The following STKLD1 variants were observed in gnomAD, a reference collection of about 807,000 sequenced individuals.
The protein encoded by STKLD1 is serine/threonine kinase like domain containing 1, also known as serine/threonine kinase-like domain-containing protein STKLD1.
STKLD1 carries 79 observed loss-of-function variants against 80.4 expected under a neutral mutation model. That is an observed-to-expected ratio of 0.98 (90% CI 0.82 to 1.19). The LOEUF is 1.19. Among genes scored for constraint, STKLD1 ranks in the 50% most tolerant of loss-of-function variants. STKLD1 has a pLI of 0.00. For missense variants in STKLD1, 841 were observed against 856.0 expected, an observed-to-expected ratio of 0.98 and a Z score of 0.22; for synonymous variants, 393 against 357.6, an observed-to-expected ratio of 1.10 and a Z score of -1.12.
At chr9:133,400,645 G>C in intron 12 of STKLD1, 116 bp downstream of exon 12, 1 of 816,186 alleles carries the variant, frequency 1.2e-6, no homozygotes, top group South Asian at 1.5e-5. Context: ...GCCATGCCCT[G>C]CTCCCTGCTG....
intron 16 of STKLD1, 94 bp from the exon 17 acceptor site, chr9:133,404,693 CCT>C (rs367673854): frequency 1.4e-5 from 21 of 1,508,062 alleles, no homozygotes; most frequent in Middle Eastern, 2.2e-4. Context: ...GTCCCAGGCC[CCT>C]GTGTGAGCTC....
rs1469434686 is a variant in STKLD1, at chr9:133,394,434, C to T, written c.702+25C>T. The T allele has an allele frequency of 3.2e-6, 5 of 1,539,540 alleles. No individual in the cohort carries two copies. The African/African-American group carries it at 4.1e-5, about 13-fold the overall frequency. On this transcript the variant is annotated intron_variant, in intron 8 of 17. Transcript: ENST00000371957. This position sits in a 1 kb window ranked among gnomAD's most constrained non-coding sequence, Gnocchi z 4.9. ...TGTGAGCCGCCCTCCCTCCCCCACA[C>T]CCCACATGCTGTTCCCCACGCGCCC... is the stretch of plus-strand genomic sequence containing the variant.
chr9:133,377,862 T>G (rs1311694679), intron 1 of STKLD1, among the ~76,000 whole-genome samples: 1 of 152,164 alleles, frequency 6.6e-6, no homozygotes, highest in Non-Finnish European at 1.5e-5. Flanking sequence ...TAATGTAGAA[T>G]CAGTGGGAGC....
chr9:133,397,149 C>T lies in STKLD1; in HGVS notation c.867-15C>T, dbSNP rs961613371. The T allele has an allele frequency of 3.7e-6, 6 of 1,613,764 alleles. No homozygotes were observed. The highest frequency in any genetic ancestry group is 5.1e-6 in the Non-Finnish European group (6 of 1,179,974). On this transcript the variant is annotated splice_polypyrimidine_tract_variant and intron_variant, in intron 9 of 17. Transcript: ENST00000371957. ...GCGCTGCTGGGTTACTCAGCCCTCT[C>T]TGCTCCTCTGCTAGGGACGTGGTGC...
chr9:133,392,103 G>A (rs1454648509), intron 7 of STKLD1, among the ~76,000 whole-genome samples: 1 of 147,898 alleles, frequency 6.8e-6, no homozygotes, highest in Non-Finnish European at 1.5e-5. Context: ...TTGAGGCGGA[G>A]TCTCGCTCTG....
Position 133,389,621 on chromosome 9 carries a change from G to T in STKLD1, c.467+25G>T. 2 of 1,612,764 alleles carry T rather than the reference G, an allele frequency of 1.2e-6. No individual in the cohort carries two copies. The highest frequency in any genetic ancestry group is 1.7e-6 in the Non-Finnish European group (2 of 1,179,604). On this transcript the variant is annotated intron_variant, in intron 6 of 17. Coordinates refer to ENST00000371957, the MANE Select transcript of STKLD1 (RefSeq NM_153710.5). The surrounding 1 kb of genome is among the most constrained non-coding windows in gnomAD (Gnocchi z 6.4). The stretch of plus-strand genomic sequence containing the variant: ...GGTAAGTGGGGCCCCTGACCTCTGC[G>T]GACTGGCTGGCTGCTTCGGGAGAAA...
At chr9:133,403,114 C>A in intron 14 of STKLD1, 102 bp downstream of exon 14, 1 of 1,220,652 alleles carries the variant, frequency 8.2e-7, no homozygotes, top group Non-Finnish European at 1.1e-6. Flanking sequence ...TGTCCTGTCC[C>A]TAAAACACAA....
chr9:133,405,191 G>T, intron 17 of STKLD1, 61 bp from the exon 18 acceptor site: 1 of 1,530,446 alleles, frequency 6.5e-7, no homozygotes. Context: ...ATCCTTCTGG[G>T]GCTTCTGGCA....
intron 7 of STKLD1, among the ~76,000 whole-genome samples, chr9:133,391,018 A>G (rs2130287961): frequency 0.12 from 17,851 of 152,166 alleles, 1,379 homozygotes; most frequent in African/African-American, 0.22. Context: ...ACAGACACCC[A>G]ACATTTGAGA....
chr9:133,401,615 G>A, intron 12 of STKLD1, 123 bp from the exon 13 acceptor site: 1 of 1,263,630 alleles, frequency 7.9e-7, no homozygotes, highest in Non-Finnish European at 1.1e-6. Context: ...GTCAGAACAA[G>A]GCAGACCTCG....
rs1235342127 is a variant in STKLD1 at position 133,389,115 on chromosome 9, C to G, written c.397-411C>G. The stretch of plus-strand genomic sequence containing the variant: ...ACACTCCTAGCATTCTCTCTCAGGG[C>G]TCTTTTCATTTGAATGACCTAGAGG... On this transcript the variant is annotated intron_variant, in intron 5 of 17. Transcript: ENST00000371957. The surrounding 1 kb of genome is among the most constrained non-coding windows in gnomAD (Gnocchi z 6.4). The G allele has an allele frequency of 1.0e-6, 1 of 985,318 alleles. No homozygotes were observed. The highest frequency in any genetic ancestry group is 1.7e-5 in the African/African-American group (1 of 57,240). The allele number at this position is 985,318 out of a possible 1,614,324, so 61.0% of individuals were successfully genotyped here.
intron 17 of STKLD1, 88 bp from the exon 18 acceptor site, chr9:133,405,164 G>A (rs979785335): frequency 2.0e-6 from 3 of 1,476,874 alleles, no homozygotes; most frequent in African/African-American, 2.8e-5. Context: ...GCCCAAGGGG[G>A]AATGTGACCC....
chr9:133,392,503 A>G (rs2119223964), intron 7 of STKLD1, among the ~76,000 whole-genome samples: 1 of 144,196 alleles, frequency 6.9e-6, no homozygotes, highest in Non-Finnish European at 1.5e-5. Context: ...AGGTGGGTGG[A>G]TAGATGGATG....
chr9:133,399,824 A>G (rs1286253852), intron 11 of STKLD1, among the ~76,000 whole-genome samples: 1 of 149,412 alleles, frequency 6.7e-6, no homozygotes, highest in Non-Finnish European at 1.5e-5. Flanking sequence ...GGTTGCAGTG[A>G]GCTGAGATGA....
chr9:133,393,163 G>A (rs1838451895), intron 7 of STKLD1, among the ~76,000 whole-genome samples: 1 of 144,044 alleles, frequency 6.9e-6, no homozygotes, highest in Non-Finnish European at 1.5e-5. Context: ...GAGTGGGTAG[G>A]TGGGTGAGTG....
chr9:133,405,071 G>C, intron 17 of STKLD1, 142 bp downstream of exon 17: 3 of 1,375,036 alleles, frequency 2.2e-6, no homozygotes, highest in Non-Finnish European at 3.0e-6. Flanking sequence ...CACTCATTTG[G>C]CATCTTCTGA....
chr9:133,404,596 T>C (rs587657391), intron 16 of STKLD1, among the ~76,000 whole-genome samples, 193 bp from the exon 17 acceptor site: 16 of 152,296 alleles, frequency 1.1e-4, no homozygotes, highest in African/African-American at 3.8e-4. Context: ...GGCTGCCTCC[T>C]CTGTTCTTGC....
At position 133,389,220 on chromosome 9, in the gene STKLD1, T is replaced by G; in HGVS notation, c.397-306T>G. 1 of 985,256 alleles carries G rather than the reference T, an allele frequency of 1.0e-6. No individual in the cohort carries two copies. 61.0% of individuals were successfully genotyped at this position (985,256 alleles called of 1,614,324 possible). ...ATCTGCCTTCAGCTCCCAGCAAGTG[T>G]GGGGCAGCGCGGGCCACAGAGTAGG... On this transcript the variant is annotated intron_variant, in intron 5 of 17. Transcript: ENST00000371957. The surrounding 1 kb of genome is among the most constrained non-coding windows in gnomAD (Gnocchi z 6.4).
chr9:133,403,833 G>A lies in STKLD1; in HGVS notation c.1603+5G>A. On this transcript the variant is annotated splice_donor_5th_base_variant and intron_variant, in intron 15 of 17. Coordinates refer to ENST00000371957, the MANE Select transcript of STKLD1 (RefSeq NM_153710.5). Reference sequence around the variant, plus strand: ...TCTGGCTGCTGTCCCTGCTGGGTGAGCTGGGTGGGCGCCCTGGGCCCCTGG... The same window carrying A: ...TCTGGCTGCTGTCCCTGCTGGGTGAACTGGGTGGGCGCCCTGGGCCCCTGG... The A allele has an allele frequency of 6.2e-7, 1 of 1,613,312 alleles. No individual in the cohort carries two copies. The highest frequency in any genetic ancestry group is 8.5e-7 in the Non-Finnish European group (1 of 1,179,842).
Sources: allele counts gnomAD v4.1 joint callset (sites outside exome capture counted in the v4.1 genomes callset), GRCh38; gene constraint gnomAD v4.1.1; non-coding constraint Gnocchi (gnomAD v3.1); transcripts MANE v1.5; gene names NCBI Gene and HGNC (gene_info 2026-07-23, HGNC 2026-07-21).